The following MEGF11 variants were observed in gnomAD, a reference collection of about 807,000 sequenced individuals.
The protein encoded by MEGF11 is multiple EGF like domains 11.
A neutral mutation model predicts 146.6 loss-of-function variants in MEGF11; 126 were observed. The ratio of observed to expected loss-of-function variants is 0.86; its 90% CI spans 0.74 to 1.00. The LOEUF is 1.00. Among genes scored for constraint, MEGF11 ranks in the 50% least tolerant of loss-of-function variants. MEGF11 has a pLI of 0.00. For synonymous variants in MEGF11, 532 were observed against 583.4 expected, an observed-to-expected ratio of 0.91 and a Z score of 1.27; for missense variants, 1,509 against 1,521.2, an observed-to-expected ratio of 0.99 and a Z score of 0.13.
intron 1 of MEGF11, among the ~76,000 whole-genome samples, chr15:66,197,096 T>C (rs1234244075): frequency 6.6e-6 from 1 of 152,232 alleles, no homozygotes; most frequent in African/African-American, 2.4e-5. Context: ...GTGTAAGTAA[T>C]GGAGCCACAT....
At chr15:65,945,011 G>C (rs2080138458) in intron 10 of MEGF11, among the ~76,000 whole-genome samples, 1 of 150,780 alleles carries the variant, frequency 6.6e-6, no homozygotes, top group Non-Finnish European at 1.5e-5. Context: ...TGATTCCCCT[G>C]CCTCAGCCTC....
chr15:65,980,445 C>T (rs1344612057), intron 7 of MEGF11, among the ~76,000 whole-genome samples: 1 of 133,606 alleles, frequency 7.5e-6, no homozygotes, highest in Non-Finnish European at 1.5e-5. Context: ...ACTCTGTTGC[C>T]CAGGCTGGAG....
chr15:65,990,712 GAAGAAAGA>G lies in MEGF11; in HGVS notation c.395-8232_395-8225del, dbSNP rs144962088. On this transcript the variant is annotated intron_variant, in intron 5 of 25. Transcript: ENST00000395614. ...AAGGAAGAGAAAGAAAGAAAGGAAG[GAAGAAAGA>G]AAGAAAGAAAGAAAGAAAAAGAAAG... Among the ~76,000 whole-genome samples the G allele has an allele frequency of 3.5e-3, 525 of 148,046 alleles. 1 individual carries two copies. The highest frequency in any genetic ancestry group is 9.6e-3 in the African/African-American group (370 of 38,612).
intron 1 of MEGF11, among the ~76,000 whole-genome samples, chr15:66,202,148 A>G (rs2091178337): frequency 7.4e-6 from 1 of 135,566 alleles, no homozygotes; most frequent in South Asian, 2.3e-4. Flanking sequence ...CACAAGTGAT[A>G]CACACACACA....
At chr15:66,024,982 C>G (rs762565221) in intron 5 of MEGF11, among the ~76,000 whole-genome samples, 55 of 151,092 alleles carry the variant, frequency 3.6e-4, no homozygotes, top group Middle Eastern at 6.8e-3. Flanking sequence ...TGGCTTTGAG[C>G]CTCCCCCACC....
At chr15:66,184,348 G>A (rs2090635862) in intron 1 of MEGF11, among the ~76,000 whole-genome samples, 1 of 152,046 alleles carries the variant, frequency 6.6e-6, no homozygotes, top group Non-Finnish European at 1.5e-5. Flanking sequence ...CAGCTAGCCT[G>A]TGGTCTCCAG....
chr15:65,967,865 C>T (rs1192862553), intron 8 of MEGF11, among the ~76,000 whole-genome samples: 1 of 152,092 alleles, frequency 6.6e-6, no homozygotes, highest in Non-Finnish European at 1.5e-5. Context: ...GACAACACCC[C>T]CGGGCACCGT....
chr15:65,978,949 C>A lies in MEGF11; in HGVS notation c.762+1829G>T, dbSNP rs565227040. Among the ~76,000 whole-genome samples the A allele has an allele frequency of 2.0e-5, 3 of 149,150 alleles. No homozygotes were observed. In the East Asian group the frequency reaches 6.0e-4, roughly 30 times the overall value. On this transcript the variant is annotated intron_variant, in intron 7 of 25. Transcript: ENST00000395614. ...AAGGTATTGACAGACCAGTGGGATT[C>A]AAATCTCTTAAAGCTGGGAAACCCT...
At chr15:65,916,498 G>C (rs545155487) in intron 17 of MEGF11, 13 of 673,360 alleles carry the variant, frequency 1.9e-5, no homozygotes, top group Admixed American at 1.4e-4. Flanking sequence ...GGAACCACAG[G>C]TCAGGCTAGG....
At chr15:65,985,409 G>A (rs1450968174) in intron 5 of MEGF11, among the ~76,000 whole-genome samples, 1 of 152,174 alleles carries the variant, frequency 6.6e-6, no homozygotes, top group South Asian at 2.1e-4. Context: ...TTCTCTGTTC[G>A]TCACTGTGAA....
intron 4 of MEGF11, among the ~76,000 whole-genome samples, chr15:66,102,793 C>G (rs551279980): frequency 6.6e-6 from 1 of 152,288 alleles, no homozygotes; most frequent in South Asian, 2.1e-4. Context: ...CCTCCCAACT[C>G]TATGCTTATA....
intron 1 of MEGF11, among the ~76,000 whole-genome samples, chr15:66,170,903 G>T (rs1208568213): frequency 6.6e-6 from 1 of 152,156 alleles, no homozygotes; most frequent in Non-Finnish European, 1.5e-5. Flanking sequence ...TCCCCACCAG[G>T]GCACCACTCG....
intron 1 of MEGF11, among the ~76,000 whole-genome samples, chr15:66,152,908 C>T (rs545912846): frequency 3.4e-4 from 52 of 152,328 alleles, no homozygotes; most frequent in African/African-American, 1.2e-3. Flanking sequence ...CCGAAGCCAC[C>T]GCTTGCTCAC....
intron 1 of MEGF11, among the ~76,000 whole-genome samples, chr15:66,238,220 C>G (rs1363346124): frequency 6.6e-6 from 1 of 152,196 alleles, no homozygotes; most frequent in Admixed American, 6.5e-5. Context: ...AACCCCCTCC[C>G]CAACCCACCC....
chr15:66,125,138 A>G (rs2088274713), intron 2 of MEGF11, among the ~76,000 whole-genome samples: 1 of 152,242 alleles, frequency 6.6e-6, no homozygotes, highest in African/African-American at 2.4e-5. Context: ...GGAGGAGGCC[A>G]AAAGCAGTCA....
At chr15:66,062,766 T>C (rs772945006) in intron 5 of MEGF11, among the ~76,000 whole-genome samples, 6 of 152,162 alleles carry the variant, frequency 3.9e-5, no homozygotes, top group Non-Finnish European at 5.9e-5. Context: ...TTTGTAGATA[T>C]TTGGGGGAAG....
At chr15:65,928,835 C>T (rs1400732572) in intron 12 of MEGF11, among the ~76,000 whole-genome samples, 1 of 152,018 alleles carries the variant, frequency 6.6e-6, no homozygotes, top group Non-Finnish European at 1.5e-5. Context: ...AGTGGTCAAG[C>T]TCAAAGGCCT....
At chr15:66,035,014 C>T (rs1030500225) in intron 5 of MEGF11, among the ~76,000 whole-genome samples, 3 of 152,108 alleles carry the variant, frequency 2.0e-5, no homozygotes, top group Non-Finnish European at 2.9e-5. Flanking sequence ...GTCACGCTCT[C>T]GTACTTCCCA....
At chr15:66,044,770 T>C (rs1236854736) in intron 5 of MEGF11, among the ~76,000 whole-genome samples, 4 of 150,220 alleles carry the variant, frequency 2.7e-5, no homozygotes, top group Non-Finnish European at 5.9e-5. Context: ...GGAGAATTGC[T>C]TGAGCCCAGG....
Sources: gnomAD v4.1 joint callset for allele counts (sites outside exome capture counted in the v4.1 genomes callset) on GRCh38, gnomAD v4.1.1 for gene constraint, MANE v1.5 for transcripts, NCBI Gene and HGNC (gene_info 2026-07-23, HGNC 2026-07-21) for gene names.